PIK3R1: variants seen among roughly 807,000 people sequenced by gnomAD.
PIK3R1 encodes the protein phosphoinositide-3-kinase regulatory subunit 1.
Under a neutral mutation model 98.0 loss-of-function variants are expected in PIK3R1, and 29 were observed. That is an observed-to-expected ratio of 0.30 (90% CI 0.22 to 0.40). The LOEUF (loss-of-function observed/expected upper bound fraction) is 0.40, where lower values mean the gene tolerates loss of function less well. Ranked by LOEUF, PIK3R1 falls within the 10% of genes least tolerant of loss-of-function variation. PIK3R1 has a pLI of 1.00. For synonymous variants in PIK3R1, 282 were observed against 311.8 expected, an observed-to-expected ratio of 0.90 and a Z score of 1.01; for missense variants, 596 against 872.7, an observed-to-expected ratio of 0.68 and a Z score of 3.99.
At chr5:68,219,377 C>T (rs1266661290) in intron 1 of PIK3R1, among the ~76,000 whole-genome samples, 2 of 152,214 alleles carry the variant, frequency 1.3e-5, no homozygotes, top group Non-Finnish European at 2.9e-5. Flanking sequence ...GGAGGCTCCA[C>T]CAGTGAGTGT....
Position 68,279,713 on chromosome 5 carries a change from A to G in PIK3R1, c.614A>G (p.Glu205Gly). 1 of 1,614,144 alleles carries G rather than the reference A, an allele frequency of 6.2e-7. No homozygotes were observed. Among genetic ancestry groups the G allele is most frequent in the Non-Finnish European group, 8.5e-7 (1 of 1,180,000 alleles). Reference sequence around the variant, plus strand: ...GTCATTCCAGCAGCCGTTTACAGTGAAATGATTTCTTTAGCTCCAGGTTTG... The same window carrying G: ...GTCATTCCAGCAGCCGTTTACAGTGGAATGATTTCTTTAGCTCCAGGTTTG... ...NPVIPAAVYS[E>G]MISLAPEVQS... Residue 205 changes from glutamate to glycine, a missense_variant, in exon 5 of 16, where the codon GAA becomes GGA. Around this residue, in one of 3 missense-constraint regions of PIK3R1, gnomAD observed 352 missense variants for 393.3 expected, o/e 0.90. Coordinates refer to ENST00000521381, the MANE Select transcript of PIK3R1 (RefSeq NM_181523.3).
chr5:68,282,911 C>A (rs1746909728), intron 7 of PIK3R1, among the ~76,000 whole-genome samples: 1 of 152,122 alleles, frequency 6.6e-6, no homozygotes, highest in Non-Finnish European at 1.5e-5. Flanking sequence ...TGTATAGGAC[C>A]TTTGGAATTA....
chr5:68,262,835 G>GTGTACATA (rs1745888975), intron 2 of PIK3R1, among the ~76,000 whole-genome samples: 8 of 63,530 alleles, frequency 1.3e-4, no homozygotes, highest in Non-Finnish European at 2.5e-4. Context: ...GTAGATACAT[G>GTGTACATA]TATACATGTA....
At chr5:68,262,835 G>A (rs370361660) in intron 2 of PIK3R1, among the ~76,000 whole-genome samples, 3 of 63,482 alleles carry the variant, frequency 4.7e-5, no homozygotes, top group African/African-American at 6.8e-5. Flanking sequence ...GTAGATACAT[G>A]TATACATGTA....
Position 68,297,342 on chromosome 5 carries a change from A to G in PIK3R1, c.1986-70A>G, listed in dbSNP as rs1016821326. On this transcript the variant is annotated intron_variant, in intron 15 of 15. Transcript: ENST00000521381. The stretch of plus-strand genomic sequence containing the variant: ...GACTGCACAATAATGCTTTTTATTA[A>G]AGATGCCCTGAAGAGTTGTGAATTG... The G allele has an allele frequency of 1.3e-5, 16 of 1,264,340 alleles. No individual in the cohort carries two copies. The African/African-American group carries it at 1.8e-4, about 14-fold the overall frequency. The allele number at this position is 1,264,340 out of a possible 1,614,324, so 78.3% of individuals were successfully genotyped here. A position where few individuals can be genotyped will look rare whatever the true frequency, so the allele number is the denominator to read the frequency against.
At chr5:68,231,275 A>G (rs868488838) in intron 2 of PIK3R1, among the ~76,000 whole-genome samples, 4 of 152,228 alleles carry the variant, frequency 2.6e-5, no homozygotes, top group African/African-American at 9.6e-5. Context: ...TGCTAACACA[A>G]GAGATTACTT....
chr5:68,232,461 C>G (rs1435789008), intron 2 of PIK3R1, among the ~76,000 whole-genome samples: 1 of 152,170 alleles, frequency 6.6e-6, no homozygotes, highest in African/African-American at 2.4e-5. Context: ...CAGGCACGCT[C>G]TGAGGGGCCT....
chr5:68,228,357 T>A (rs1744357705), intron 2 of PIK3R1, among the ~76,000 whole-genome samples: 1 of 152,220 alleles, frequency 6.6e-6, no homozygotes, highest in Non-Finnish European at 1.5e-5. Context: ...TTATTAATGA[T>A]ACCTGAAGGG....
intron 2 of PIK3R1, among the ~76,000 whole-genome samples, chr5:68,266,206 A>G (rs1202543023): frequency 1.3e-5 from 2 of 152,196 alleles, no homozygotes; most frequent in South Asian, 2.1e-4. Context: ...ATTGCTTGTG[A>G]CATCGCAGCT....
chr5:68,256,491 A>G (rs1399924198), intron 2 of PIK3R1, among the ~76,000 whole-genome samples: 1 of 152,166 alleles, frequency 6.6e-6, no homozygotes, highest in African/African-American at 2.4e-5. Flanking sequence ...CGGCCTCCCA[A>G]AGTGCTGGGA....
chr5:68,301,494 G>GCA lies in PIK3R1; in HGVS notation c.*3896_*3897dup, dbSNP rs1748097716. 9.0e-6 allele frequency: 1 copy of GCA among 111,664 alleles called. No homozygotes were observed. Among genetic ancestry groups the GCA allele is most frequent in the African/African-American group, 4.5e-5 (1 of 22,456 alleles). The allele number at this position is 111,664 out of a possible 1,614,324, so 6.9% of individuals were successfully genotyped here. ...TGTATATACATATATGTATATATAT[G>GCA]CACATATATATATGTATTTAAAAAA... On this transcript the variant is annotated 3_prime_UTR_variant, in exon 16 of 16. Transcript: ENST00000521381.
chr5:68,273,405 A>G lies in PIK3R1; in HGVS notation c.350A>G (p.Asp117Gly). 3 of 1,613,972 alleles carry G rather than the reference A, an allele frequency of 1.9e-6. No homozygotes were observed. The highest frequency in any genetic ancestry group is 2.5e-6 in the Non-Finnish European group (3 of 1,179,962). Reference sequence around the variant, plus strand: ...TTGTTTGCAGCTTTGACTCTCCCGGATCTTGCAGAGCAGTTTGCCCCTCCT... The same window carrying G: ...TTGTTTGCAGCTTTGACTCTCCCGGGTCTTGCAGAGCAGTTTGCCCCTCCT... Reference protein sequence around the residue: ...DVEQQALTLPDLAEQFAPPDI... With the variant: ...DVEQQALTLPGLAEQFAPPDI... The change falls in exon 3 of 16, where the codon GAT (aspartate) becomes GGT (glycine). Residue 117 changes from aspartate (D) to glycine (G), a missense_variant. This residue lies in a region of PIK3R1 where 352 missense variants were observed against 393.3 expected (regional missense o/e 0.90). Transcript: ENST00000521381.
chr5:68,297,075 CTCA>C (rs1049735092), intron 15 of PIK3R1, among the ~76,000 whole-genome samples: 1 of 152,178 alleles, frequency 6.6e-6, no homozygotes. Context: ...GATAGTTGTC[CTCA>C]TCATGATTGG....
At chr5:68,265,557 GCTT>G (rs973002662) in intron 2 of PIK3R1, among the ~76,000 whole-genome samples, 3 of 152,124 alleles carry the variant, frequency 2.0e-5, no homozygotes, top group African/African-American at 4.8e-5. Flanking sequence ...CTCTGGTGCT[GCTT>G]CTTATAAAGG....
chr5:68,262,899 ATATACATGTAGATACATGTAGATACATG>A (rs1745906666), intron 2 of PIK3R1, among the ~76,000 whole-genome samples: 3 of 110,302 alleles, frequency 2.7e-5, no homozygotes, highest in Non-Finnish European at 5.5e-5. Flanking sequence ...ATGTATACAT[ATATACATGTAGATACATGTAGATACATG>A]TATACATATA....
At chr5:68,255,600 G>A (rs145217107) in intron 2 of PIK3R1, among the ~76,000 whole-genome samples, 1 of 152,290 alleles carries the variant, frequency 6.6e-6, no homozygotes, top group East Asian at 1.9e-4. Context: ...GCTTTTCTGA[G>A]CTCTAGCTTC....
intron 2 of PIK3R1, among the ~76,000 whole-genome samples, chr5:68,262,187 G>A (rs560048064): frequency 7.2e-5 from 11 of 151,976 alleles, no homozygotes; most frequent in African/African-American, 2.2e-4. Flanking sequence ...TGATTGAATA[G>A]TTCCCTCTCT....
chr5:68,281,343 A>G (rs183198941), intron 7 of PIK3R1, among the ~76,000 whole-genome samples: 9 of 152,314 alleles, frequency 5.9e-5, no homozygotes, highest in African/African-American at 9.6e-5. Flanking sequence ...TCTAATACTT[A>G]CAAAGTAGGG....
intron 8 of PIK3R1, 101 bp downstream of exon 8, chr5:68,292,462 A>G (rs770679258): frequency 3.1e-5 from 45 of 1,432,420 alleles, no homozygotes; most frequent in Non-Finnish European, 4.0e-5. Flanking sequence ...CAACATAAGC[A>G]TGAAGCATAG....
Sources: gnomAD v4.1 joint callset for allele counts (sites outside exome capture counted in the v4.1 genomes callset) on GRCh38, gnomAD v4.1.1 for gene constraint, gnomAD v4.1.1 regional missense constraint, MANE v1.5 for transcripts, NCBI Gene and HGNC (gene_info 2026-07-23, HGNC 2026-07-21) for gene names.